The following UTP11 variants were observed in gnomAD, a reference collection of about 807,000 sequenced individuals.
The protein encoded by UTP11 is UTP11 small subunit processome component.
In UTP11, 29 loss-of-function variants were observed where a neutral mutation model predicts 39.0. That is an observed-to-expected ratio of 0.74 (90% CI 0.55 to 1.01). The LOEUF is 1.01. Among genes scored for constraint, UTP11 ranks in the 50% least tolerant of loss-of-function variants. UTP11 has a pLI of 0.00. For synonymous variants in UTP11, 111 were observed against 105.0 expected (o/e 1.06, Z -0.35); for missense variants, 281 against 306.0 (o/e 0.92, Z 0.61).
chr1:38,016,136 C>T (rs908003300), intron 1 of UTP11, among the ~76,000 whole-genome samples: 3 of 152,268 alleles, frequency 2.0e-5, no homozygotes, highest in African/African-American at 7.2e-5. Flanking sequence ...GCCAAGAAAC[C>T]TACTACAGCA....
intron 1 of UTP11, 141 bp from the exon 2 acceptor site, chr1:38,016,217 AG>A: frequency 1.3e-6 from 1 of 779,930 alleles, no homozygotes; most frequent in Non-Finnish European, 2.1e-6. Flanking sequence ...TGGGGAGGGG[AG>A]GGAACAGGGT....
At chr1:38,020,658 C>G (rs752922221) in intron 6 of UTP11, among the ~76,000 whole-genome samples, 2 of 152,228 alleles carry the variant, frequency 1.3e-5, no homozygotes, top group Admixed American at 6.5e-5. Flanking sequence ...GCAGTTTTCT[C>G]TAGCTCAGAG....
chr1:38,018,539 G>A lies in UTP11; in HGVS notation c.304G>A (p.Val102Ile), dbSNP rs143106814. Residue 102 changes from valine to isoleucine, a missense_variant, in exon 4 of 8, where the codon GTC becomes ATC. Physicochemically the swap from Val to Ile is conservative, Grantham distance 29 (BLOSUM62 3). Transcript: ENST00000373014. Reference protein sequence around the residue: ...EQLKLMRTQDVKYIEMKRVAE... With the variant: ...EQLKLMRTQDIKYIEMKRVAE... ...ACTAAAGCTGATGAGAACTCAGGAC[G>A]TCAAATATATAGAAATGAAGAGGGT... 5.3e-5 allele frequency: 86 copies of A among 1,613,638 alleles called. No homozygotes were observed. The highest frequency in any genetic ancestry group is 6.7e-5 in the African/African-American group (5 of 74,898).
rs1646712928 is a variant in UTP11, at chr1:38,017,551, T to C, written c.126-117T>C. On this transcript the variant is annotated intron_variant, in intron 2 of 7. Transcript: ENST00000373014. ...AGTCAGTGCTTTTGGCTTTTTTGAG[T>C]TTCACTCTGTGTGACCTTTTAGATG... 1.0e-5 allele frequency: 8 copies of C among 773,520 alleles called. No homozygotes were observed. The South Asian group carries it at 1.1e-4, about 11-fold the overall frequency. 47.9% of individuals were successfully genotyped at this position (773,520 alleles called of 1,614,324 possible).
chr1:38,018,404 C>A, intron 3 of UTP11, 60 bp from the exon 4 acceptor site: 1 of 1,343,552 alleles, frequency 7.4e-7, no homozygotes. Context: ...TGCACTGTGC[C>A]AACAACTTAT....
chr1:38,022,580 C>G lies in UTP11; in HGVS notation c.568-119C>G, dbSNP rs1646744366. On this transcript the variant is annotated intron_variant, in intron 6 of 7. Coordinates refer to ENST00000373014, the MANE Select transcript of UTP11 (RefSeq NM_016037.4). ...TTATTGTTACCACGTTATGTTGATT[C>G]TGGTGAAAGAAGGGAGTTGATGAAA... 8.9e-6 allele frequency: 6 copies of G among 670,960 alleles called. No homozygotes were observed. In the Admixed American group the frequency reaches 1.3e-4, roughly 15 times the overall value. The allele number at this position is 670,960 out of a possible 1,614,324, so 41.6% of individuals were successfully genotyped here.
chr1:38,017,835 A>AAGAATAAG, intron 3 of UTP11, 65 bp downstream of exon 3: 1 of 1,365,918 alleles, frequency 7.3e-7, no homozygotes, highest in Non-Finnish European at 1.0e-6. Flanking sequence ...GACAGGGAGG[A>AAGAATAAG]GATGGAGAGG....
At chr1:38,018,993 G>GTTTTTTTT in intron 4 of UTP11, 66 bp from the exon 5 acceptor site, 3 of 1,101,768 alleles carry the variant, frequency 2.7e-6, no homozygotes, top group South Asian at 1.6e-5. Flanking sequence ...AACTTTTGCA[G>GTTTTTTTT]TTTTTTTTTT....
chr1:38,019,180 C>T (rs771998903), intron 5 of UTP11, 28 bp downstream of exon 5: 6 of 1,613,734 alleles, frequency 3.7e-6, no homozygotes, highest in Admixed American at 3.3e-5. Flanking sequence ...GTTTCTGGGA[C>T]AGTCTACCAT....
intron 6 of UTP11, among the ~76,000 whole-genome samples, chr1:38,020,855 A>G (rs1204395415): frequency 2.0e-5 from 3 of 152,152 alleles, no homozygotes; most frequent in Non-Finnish European, 4.4e-5. Context: ...TTCTGTAGAT[A>G]ACACTTCCAG....
At chr1:38,020,808 T>C (rs12737643) in intron 6 of UTP11, among the ~76,000 whole-genome samples, 21,504 of 152,258 alleles carry the variant, frequency 0.14, 1,629 homozygotes, top group African/African-American at 0.19. Context: ...TGCTAGAATC[T>C]GTGAATTGTT....
intron 1 of UTP11, among the ~76,000 whole-genome samples, chr1:38,014,072 C>T (rs1303670469): frequency 1.3e-5 from 2 of 152,186 alleles, no homozygotes; most frequent in East Asian, 1.9e-4. Context: ...CATGTTTTTA[C>T]AATTGTCTCA....
At chr1:38,015,655 G>T (rs1478289572) in intron 1 of UTP11, among the ~76,000 whole-genome samples, 1 of 152,196 alleles carries the variant, frequency 6.6e-6, no homozygotes, top group Admixed American at 6.5e-5. Context: ...ATCATACCAA[G>T]ATTTAATCCT....
At chr1:38,015,930 C>T (rs369999808) in intron 1 of UTP11, among the ~76,000 whole-genome samples, 4 of 152,206 alleles carry the variant, frequency 2.6e-5, no homozygotes, top group African/African-American at 9.7e-5. Flanking sequence ...ACAGATTGTT[C>T]AGAGGTAAAG....
Position 38,023,795 on chromosome 1 carries a change from C to T in UTP11, c.*167C>T. On this transcript the variant is annotated 3_prime_UTR_variant, in exon 8 of 8. Coordinates refer to ENST00000373014, the MANE Select transcript of UTP11 (RefSeq NM_016037.4). ...TATGGACAACATTAAATCTCCCTCCCTTCTGTAATTGTTTTTGGATTGTGA... is the reference window on the plus strand; with the variant it reads ...TATGGACAACATTAAATCTCCCTCCTTTCTGTAATTGTTTTTGGATTGTGA... The T allele has an allele frequency of 2.0e-6, 1 of 490,716 alleles. No homozygotes were observed. Among genetic ancestry groups the T allele is most frequent in the East Asian group, 3.4e-5 (1 of 29,040 alleles). The allele number at this position is 490,716 out of a possible 1,614,324, so 30.4% of individuals were successfully genotyped here.
At chr1:38,016,255 T>C in intron 1 of UTP11, 104 bp from the exon 2 acceptor site, 1 of 1,169,006 alleles carries the variant, frequency 8.6e-7, no homozygotes, top group Non-Finnish European at 1.3e-6. Flanking sequence ...GGACTGGATT[T>C]ACTGAGCACT....
chr1:38,018,383 TG>T (rs1646717779), intron 3 of UTP11, 80 bp from the exon 4 acceptor site: 2 of 1,065,388 alleles, frequency 1.9e-6, no homozygotes, highest in Non-Finnish European at 2.8e-6. Context: ...TGGTTGTCTT[TG>T]TTCTAGCCGT....
intron 1 of UTP11, 82 bp from the exon 2 acceptor site, chr1:38,016,277 T>G (rs1646706613): frequency 7.1e-7 from 1 of 1,407,954 alleles, no homozygotes; most frequent in Non-Finnish European, 1.0e-6. Context: ...CAGAGACTCC[T>G]GTGCCTGTTA....
intron 6 of UTP11, among the ~76,000 whole-genome samples, chr1:38,019,845 T>A (rs927534625): frequency 1.1e-4 from 17 of 152,082 alleles, no homozygotes; most frequent in Admixed American, 8.5e-4. Context: ...ATTTGTAGGA[T>A]GATTTGATGA....
Sources: gnomAD v4.1 joint callset for allele counts (sites outside exome capture counted in the v4.1 genomes callset) on GRCh38, gnomAD v4.1.1 for gene constraint, MANE v1.5 for transcripts, NCBI Gene and HGNC (gene_info 2026-07-23, HGNC 2026-07-21) for gene names.